The following FMN2 variants were observed in gnomAD, a reference collection of about 807,000 sequenced individuals.
FMN2 encodes formin-2.
A neutral mutation model predicts 142.3 loss-of-function variants in FMN2; 51 were observed. The observed-to-expected ratio is 0.36, with a 90% CI of 0.29 to 0.45. The LOEUF is 0.45. FMN2 is among the 20% of genes least tolerant of loss of function. The pLI is 1.00. For missense variants in FMN2, 1,936 were observed against 2,122.8 expected, an observed-to-expected ratio of 0.91 and a Z score of 1.73; for synonymous variants, 882 against 869.8, an observed-to-expected ratio of 1.01 and a Z score of -0.25.
chr1:240,188,413 G>A, intron 4 of FMN2, 151 bp downstream of exon 4: 1 of 680,276 alleles, frequency 1.5e-6, no homozygotes, highest in Non-Finnish European at 2.4e-6. Context: ...CAGGCAGAAG[G>A]GGATGTTTTC....
At chr1:240,144,847 T>C (rs10926139) in intron 2 of FMN2, 1,007,659 of 1,445,066 alleles carry the variant, frequency 0.7, 355,721 homozygotes, top group African/African-American at 0.89. Context: ...GGACCTTCTT[T>C]GCATCATCCA....
intron 5 of FMN2, among the ~76,000 whole-genome samples, chr1:240,209,016 A>G (rs1240086403): frequency 6.6e-6 from 1 of 152,154 alleles, no homozygotes; most frequent in Non-Finnish European, 1.5e-5. Context: ...ATTGAGGGAT[A>G]TATTTTTCTT....
At chr1:240,225,397 G>C (rs1288632690) in intron 6 of FMN2, among the ~76,000 whole-genome samples, 4 of 152,166 alleles carry the variant, frequency 2.6e-5, no homozygotes. Flanking sequence ...CTGATAAATG[G>C]CTCATGCCCA....
intron 16 of FMN2, among the ~76,000 whole-genome samples, chr1:240,449,735 C>T (rs1013187602): frequency 1.8e-4 from 27 of 152,260 alleles, no homozygotes; most frequent in Non-Finnish European, 2.5e-4. Flanking sequence ...AAATTGTCAT[C>T]ATCATTATTT....
Position 240,220,470 on chromosome 1 carries a change from G to A in FMN2, c.4065+9235G>A, listed in dbSNP as rs183330337. On this transcript the variant is annotated intron_variant, in intron 6 of 17. Coordinates refer to ENST00000319653, the MANE Select transcript of FMN2 (RefSeq NM_020066.5). ...ATAACAGGCAAGCATGGAGAACCAC[G>A]GGAGACCTTTGAGAAGGGCCCTTTA... Among the ~76,000 whole-genome samples the A allele has an allele frequency of 5.0e-4, 76 of 152,162 alleles. 1 individual carries two copies. Among genetic ancestry groups the A allele is most frequent in the Non-Finnish European group, 9.3e-4 (63 of 67,992 alleles).
At chr1:240,371,123 T>G (rs866570288) in intron 14 of FMN2, among the ~76,000 whole-genome samples, 2 of 151,796 alleles carry the variant, frequency 1.3e-5, no homozygotes, top group Non-Finnish European at 1.5e-5. Flanking sequence ...TTATTTTTTG[T>G]TTTTTGGTTT....
chr1:240,199,955 CA>C (rs1666066267), intron 4 of FMN2, among the ~76,000 whole-genome samples: 1 of 152,168 alleles, frequency 6.6e-6, no homozygotes, highest in Non-Finnish European at 1.5e-5. Context: ...AACTGTTGCA[CA>C]ATCACTGGAA....
At chr1:240,304,709 G>C (rs893933451) in intron 8 of FMN2, among the ~76,000 whole-genome samples, 2 of 152,164 alleles carry the variant, frequency 1.3e-5, no homozygotes, top group Non-Finnish European at 2.9e-5. Flanking sequence ...GCAGTAATCA[G>C]GGATCAGAGC....
At chr1:240,302,195 A>G (rs940100707) in intron 8 of FMN2, among the ~76,000 whole-genome samples, 3 of 152,054 alleles carry the variant, frequency 2.0e-5, no homozygotes, top group African/African-American at 7.2e-5. Context: ...ATTTTCATTA[A>G]TAGTTCTTTT....
chr1:240,292,437 A>G (rs1027594291), intron 7 of FMN2, among the ~76,000 whole-genome samples: 7 of 152,314 alleles, frequency 4.6e-5, no homozygotes, highest in African/African-American at 1.4e-4. Context: ...AGGCTGGGCT[A>G]TTCAGCATAT....
intron 6 of FMN2, among the ~76,000 whole-genome samples, chr1:240,229,486 T>C (rs1263512656): frequency 6.6e-6 from 1 of 152,150 alleles, no homozygotes; most frequent in Admixed American, 6.5e-5. Flanking sequence ...TGACAGTTAA[T>C]GATGCCTCCC....
chr1:240,353,604 T>G (rs1672167666), intron 13 of FMN2, among the ~76,000 whole-genome samples: 1 of 152,186 alleles, frequency 6.6e-6, no homozygotes, highest in Non-Finnish European at 1.5e-5. Context: ...TAATATAGTG[T>G]GGTAGTTGAT....
chr1:240,222,194 C>T (rs542558549), intron 6 of FMN2, among the ~76,000 whole-genome samples: 4 of 152,120 alleles, frequency 2.6e-5, no homozygotes, highest in African/African-American at 7.2e-5. Context: ...GGTTCAGTTT[C>T]AGTTTTCTGC....
intron 15 of FMN2, among the ~76,000 whole-genome samples, chr1:240,397,377 T>TGC (rs1673816214): frequency 6.6e-6 from 1 of 152,146 alleles, no homozygotes; most frequent in Admixed American, 6.5e-5. Flanking sequence ...GACAGAATTC[T>TGC]TTCATATTCA....
In FMN2 at chr1:240,230,316, G is replaced by C. The variant is rs1170428415; in HGVS notation, c.4065+19081G>C. Among the ~76,000 whole-genome samples, 2 of 98,998 alleles carry C rather than the reference G, an allele frequency of 2.0e-5. 1 individual carries two copies. The highest frequency in any genetic ancestry group is 4.1e-5 in the Non-Finnish European group (2 of 49,152). The allele number at this position is 98,998 out of a possible 152,430, so 64.9% of individuals were successfully genotyped here. ...CACTCCAGCCTGGGCAAGAGAGTCA[G>C]ACCCTGTCTGAAAAACAACAACAAC... On this transcript the variant is annotated intron_variant, in intron 6 of 17. Transcript: ENST00000319653.
chr1:240,310,372 T>G (rs1231458642), intron 8 of FMN2, among the ~76,000 whole-genome samples: 2 of 152,214 alleles, frequency 1.3e-5, no homozygotes, highest in African/African-American at 4.8e-5. Context: ...TTATTTAGAA[T>G]GTAATCTTTT....
intron 15 of FMN2, among the ~76,000 whole-genome samples, chr1:240,427,372 A>G (rs554061719): frequency 9.9e-5 from 15 of 151,548 alleles, no homozygotes; most frequent in African/African-American, 3.6e-4. Flanking sequence ...CGCCCAGCTA[A>G]TTTTTTGTGT....
intron 2 of FMN2, among the ~76,000 whole-genome samples, chr1:240,125,380 TC>T (rs1428393630): frequency 6.6e-6 from 1 of 152,238 alleles, no homozygotes; most frequent in African/African-American, 2.4e-5. Flanking sequence ...GCTAGGTAGA[TC>T]TCTTTCTCTT....
At chr1:240,245,533 G>A (rs1254352599) in intron 6 of FMN2, 2 of 471,516 alleles carry the variant, frequency 4.2e-6, no homozygotes, top group Non-Finnish European at 4.4e-6. Flanking sequence ...GAGCTCTAGG[G>A]GTTGTGAAAT....
Sources: gnomAD v4.1 joint callset for allele counts (sites outside exome capture counted in the v4.1 genomes callset) on GRCh38, gnomAD v4.1.1 for gene constraint, MANE v1.5 for transcripts, NCBI Gene and HGNC (gene_info 2026-07-23, HGNC 2026-07-21) for gene names.